SEC63: variants seen among roughly 807,000 people sequenced by gnomAD.
SEC63 encodes SEC63 protein translocation regulator, also known as translocation protein SEC63 homolog.
A neutral mutation model predicts 116.2 loss-of-function variants in SEC63; 56 were observed. That is an observed-to-expected ratio of 0.48 (90% confidence interval 0.39 to 0.60). SEC63 has a LOEUF of 0.60. Among genes scored for constraint, SEC63 ranks in the 20% least tolerant of loss-of-function variants. SEC63 has a pLI of 0.00. For missense variants in SEC63, 668 were observed against 900.0 expected (o/e 0.74, Z 3.30); for synonymous variants, 273 against 294.6 (o/e 0.93, Z 0.75).
At chr6:107,924,682 T>C (rs1787635392) in intron 3 of SEC63, 136 bp downstream of exon 3, 4 of 637,060 alleles carry the variant, frequency 6.3e-6, no homozygotes, top group South Asian at 5.5e-5. Context: ...AACAGAGGAT[T>C]AGACATCTTA....
At chr6:107,917,693 A>C (rs1023802499) in intron 4 of SEC63, among the ~76,000 whole-genome samples, 1 of 152,246 alleles carries the variant, frequency 6.6e-6, no homozygotes, top group African/African-American at 2.4e-5. Context: ...TGGTCTCGAC[A>C]GAAGATCAAA....
At chr6:107,911,790 C>T (rs990940125) in intron 6 of SEC63, among the ~76,000 whole-genome samples, 6 of 152,216 alleles carry the variant, frequency 3.9e-5, no homozygotes, top group African/African-American at 9.6e-5. Context: ...TCCAGTCAGG[C>T]AGGTATTTAT....
intron 16 of SEC63, among the ~76,000 whole-genome samples, chr6:107,889,598 GCT>G (rs1388611759): frequency 6.6e-6 from 1 of 151,402 alleles, no homozygotes; most frequent in Non-Finnish European, 1.5e-5. Context: ...CTTCAGTTCT[GCT>G]CTTAGTTATT....
intron 2 of SEC63, among the ~76,000 whole-genome samples, 161 bp from the exon 3 acceptor site, chr6:107,925,093 C>T (rs551516860): frequency 1.3e-5 from 2 of 152,180 alleles, no homozygotes; most frequent in Non-Finnish European, 2.9e-5. Flanking sequence ...GTTACAGCAA[C>T]GACAGTGTCT....
chr6:107,889,003 T>C (rs1287428845), intron 16 of SEC63, among the ~76,000 whole-genome samples: 1 of 152,228 alleles, frequency 6.6e-6, no homozygotes. Flanking sequence ...AGTATTTTAT[T>C]GAGGATTTTT....
intron 13 of SEC63, among the ~76,000 whole-genome samples, chr6:107,899,588 A>G (rs1484289748): frequency 6.6e-6 from 1 of 152,058 alleles, no homozygotes; most frequent in Non-Finnish European, 1.5e-5. Context: ...TGGTGGTGGC[A>G]CACGCCTGTA....
At chr6:107,930,935 C>G (rs1787792243) in intron 1 of SEC63, among the ~76,000 whole-genome samples, 1 of 152,164 alleles carries the variant, frequency 6.6e-6, no homozygotes, top group South Asian at 2.1e-4. Flanking sequence ...GCAGAGGTTG[C>G]AGTGAGCTGA....
chr6:107,892,343 C>T (rs893845819), intron 16 of SEC63, among the ~76,000 whole-genome samples: 6 of 152,158 alleles, frequency 3.9e-5, no homozygotes, highest in Admixed American at 3.9e-4. Context: ...GAAAGAATGA[C>T]CTTTTCAATG....
At chr6:107,927,298 T>G (rs1787697027) in intron 2 of SEC63, among the ~76,000 whole-genome samples, 1 of 152,084 alleles carries the variant, frequency 6.6e-6, no homozygotes, top group Non-Finnish European at 1.5e-5. Flanking sequence ...ACTCCTGACC[T>G]CAGGGGATCC....
chr6:107,872,694 G>C, intron 20 of SEC63, 114 bp downstream of exon 20: 1 of 696,344 alleles, frequency 1.4e-6, no homozygotes, highest in Non-Finnish European at 2.6e-6. Context: ...TATAAAGCAT[G>C]AGATGACTTC....
rs575961083 is a variant in SEC63, at chr6:107,903,119, G to GT, written c.1055-122dup. 1,005 of 1,006,966 alleles carry GT rather than the reference G, an allele frequency of 1.0e-3. 4 individuals are homozygous for GT. In the African/African-American group the frequency reaches 0.015, roughly 15 times the overall value. 62.4% of individuals were successfully genotyped at this position (1,006,966 alleles called of 1,614,324 possible). On this transcript the variant is annotated intron_variant, in intron 11 of 20. Transcript: ENST00000369002. ...TAACACCTCAAATTTGAGGATCATA[G>GT]TAAGATTTTCCTTTAAAAGTTACCA...
At chr6:107,890,950 A>T (rs1007164084) in intron 16 of SEC63, among the ~76,000 whole-genome samples, 1 of 152,162 alleles carries the variant, frequency 6.6e-6, no homozygotes. Context: ...TGTTAGTCTG[A>T]TGGGCTTCCC....
At position 107,868,707 on chromosome 6, in the gene SEC63, G is replaced by C. The variant is rs1286275628; in HGVS notation, c.*2997C>G. 4 of 151,014 alleles carry C rather than the reference G, an allele frequency of 2.6e-5. No individual in the cohort carries two copies. The highest frequency in any genetic ancestry group is 9.7e-5 in the African/African-American group (4 of 41,150). The allele number at this position is 151,014 out of a possible 1,614,324, so 9.4% of individuals were successfully genotyped here. A position where few individuals can be genotyped will look rare whatever the true frequency, so the allele number is the denominator to read the frequency against. ...AAAAGGCATTCCAAATAATAGCCAA[G>C]GCAAATGGATTTAAATGGATTGCCA... On this transcript the variant is annotated 3_prime_UTR_variant, in exon 21 of 21. Transcript: ENST00000369002.
At chr6:107,953,717 G>C (rs1319940472) in intron 1 of SEC63, among the ~76,000 whole-genome samples, 3 of 140,516 alleles carry the variant, frequency 2.1e-5, no homozygotes, top group Admixed American at 1.4e-4. Flanking sequence ...CCCCCTGCCC[G>C]GCCAGCCGCC....
intron 6 of SEC63, among the ~76,000 whole-genome samples, chr6:107,911,860 C>A (rs1787292115): frequency 6.6e-6 from 1 of 152,166 alleles, no homozygotes; most frequent in Non-Finnish European, 1.5e-5. Flanking sequence ...AAGCCCCTGG[C>A]CAAAGGTTCC....
At chr6:107,952,249 G>A (rs1770595933) in intron 1 of SEC63, among the ~76,000 whole-genome samples, 1 of 152,098 alleles carries the variant, frequency 6.6e-6, no homozygotes, top group Non-Finnish European at 1.5e-5. Context: ...TTAGATAACA[G>A]GTACGTTCAA....
At position 107,921,914 on chromosome 6, in the gene SEC63, G is replaced by T. The variant is rs561521185; in HGVS notation, c.340-5C>A. 6.5e-5 allele frequency: 86 copies of T among 1,329,036 alleles called. 1 individual carries two copies. The African/African-American group carries it at 2.6e-3, about 40-fold the overall frequency. 82.3% of individuals were successfully genotyped at this position (1,329,036 alleles called of 1,614,324 possible). A position where few individuals can be genotyped will look rare whatever the true frequency, so the allele number is the denominator to read the frequency against. On this transcript the variant is annotated splice_region_variant and splice_polypyrimidine_tract_variant and intron_variant, in intron 3 of 20. Transcript: ENST00000369002. ...AATTTCTGCTACTGTGGCTCCCTGG[G>T]GAAAAACAAAAAAAAAAAACAAGCT...
chr6:107,928,241 T>C (rs1039784279), intron 2 of SEC63, among the ~76,000 whole-genome samples: 1 of 152,014 alleles, frequency 6.6e-6, no homozygotes, highest in Non-Finnish European at 1.5e-5. Flanking sequence ...CTACCACTTT[T>C]GGAGGCCGAG....
At chr6:107,937,904 T>C (rs1770292302) in intron 1 of SEC63, among the ~76,000 whole-genome samples, 2 of 152,228 alleles carry the variant, frequency 1.3e-5, no homozygotes, top group African/African-American at 4.8e-5. Context: ...GTTGAGTTGT[T>C]TAAGTTCCCT....
Sources: allele counts gnomAD v4.1 joint callset (sites outside exome capture counted in the v4.1 genomes callset), GRCh38; gene constraint gnomAD v4.1.1; transcripts MANE v1.5; gene names NCBI Gene and HGNC (gene_info 2026-07-23, HGNC 2026-07-21).